The following ADAM28 variants were observed in gnomAD, a reference collection of about 807,000 sequenced individuals.
ADAM28 encodes ADAM metallopeptidase domain 28.
In ADAM28, 105 loss-of-function variants were observed where a neutral mutation model predicts 101.2. The observed-to-expected ratio is 1.04, with a 90% CI of 0.89 to 1.22. The LOEUF (loss-of-function observed/expected upper bound fraction) is 1.22. Ranked by LOEUF, ADAM28 falls within the 50% of genes most tolerant of loss-of-function variation. ADAM28 has a pLI of 0.00. For missense variants in ADAM28, 1,028 were observed against 945.4 expected, an observed-to-expected ratio of 1.09 and a Z score of -1.15; for synonymous variants, 322 against 310.6, an observed-to-expected ratio of 1.04 and a Z score of -0.39.
At chr8:24,303,181 A>G (rs897456333) in intron 2 of ADAM28, among the ~76,000 whole-genome samples, 2 of 151,818 alleles carry the variant, frequency 1.3e-5, no homozygotes, top group Non-Finnish European at 2.9e-5. Context: ...CTTTTGTTGC[A>G]ATTGCTTTTG....
chr8:24,331,490 C>T (rs1272431459), intron 12 of ADAM28, among the ~76,000 whole-genome samples, 163 bp downstream of exon 12: 1 of 152,070 alleles, frequency 6.6e-6, no homozygotes, highest in East Asian at 1.9e-4. Context: ...TGACAAGGAA[C>T]CCTGCACTTC....
chr8:24,331,372 T>G, intron 12 of ADAM28, 45 bp downstream of exon 12: 1 of 1,537,712 alleles, frequency 6.5e-7, no homozygotes, highest in Non-Finnish European at 8.8e-7. Flanking sequence ...GTTTTTCAGT[T>G]GCTAAGAAGA....
At chr8:24,317,490 T>C (rs1167591948) in intron 6 of ADAM28, among the ~76,000 whole-genome samples, 1 of 151,888 alleles carries the variant, frequency 6.6e-6, no homozygotes, top group African/African-American at 2.4e-5. Context: ...CATGCAAAAT[T>C]ATGAAATCGA....
At chr8:24,298,408 C>T (rs553105088) in intron 1 of ADAM28, among the ~76,000 whole-genome samples, 13 of 152,148 alleles carry the variant, frequency 8.5e-5, no homozygotes, top group Admixed American at 7.2e-4. Flanking sequence ...AAGTCATTCT[C>T]GAGTAATTTT....
rs1416750119 is a variant in ADAM28, at chr8:24,313,456, A to G, written c.452A>G (p.Gln151Arg). The G allele has an allele frequency of 1.2e-6, 2 of 1,613,904 alleles. No individual in the cohort carries two copies. Among genetic ancestry groups the G allele is most frequent in the South Asian group, 2.2e-5 (2 of 91,076 alleles). ...TTAAGCCCCATACATCGGGATGGACAGGAGCATGCACTCTTCAAGTATAAC... is the reference window on the plus strand; with the variant it reads ...TTAAGCCCCATACATCGGGATGGACGGGAGCATGCACTCTTCAAGTATAAC... ...EPLSPIHRDG[Q>R]EHALFKYNPD... The change falls in exon 6 of 23, where the codon CAG becomes CGG. Residue 151 changes from glutamine (Q) to arginine (R), a missense_variant. Transcript: ENST00000265769.
chr8:24,326,981 A>G (rs1812703750), intron 10 of ADAM28, among the ~76,000 whole-genome samples: 2 of 152,198 alleles, frequency 1.3e-5, no homozygotes, highest in Admixed American at 6.6e-5. Context: ...TTTGAAAGAC[A>G]GCACAAGACA....
chr8:24,327,403 T>C (rs1177991822), intron 10 of ADAM28, among the ~76,000 whole-genome samples: 1 of 152,032 alleles, frequency 6.6e-6, no homozygotes, highest in East Asian at 1.9e-4. Context: ...CACTAACAAA[T>C]GGAAAAATAT....
rs1189586697 is a variant in ADAM28 at position 24,358,098 on chromosome 8, C to T, written c.*3694C>T. 1 of 33,940 alleles carries T rather than the reference C, an allele frequency of 2.9e-5. No homozygotes were observed. The highest frequency in any genetic ancestry group is 9.4e-5 in the African/African-American group (1 of 10,618). The allele number at this position is 33,940 out of a possible 1,614,324, so 2.1% of individuals were successfully genotyped here. On this transcript the variant is annotated 3_prime_UTR_variant, in exon 23 of 23. Coordinates refer to ENST00000265769, the MANE Select transcript of ADAM28 (RefSeq NM_014265.6). Reference sequence around the variant, plus strand: ...AGGCTAACCAATTAACTGTTTTTAACTTATATTTCCAGATATTTTAAAAAT... The same window carrying T: ...AGGCTAACCAATTAACTGTTTTTAATTTATATTTCCAGATATTTTAAAAAT...
chr8:24,312,235 A>T (rs1234005578), intron 5 of ADAM28, among the ~76,000 whole-genome samples: 1 of 151,988 alleles, frequency 6.6e-6, no homozygotes, highest in East Asian at 2.0e-4. Context: ...TCTTAAAGAA[A>T]CCTCAATCTC....
At chr8:24,338,666 T>C (rs1281681300) in intron 14 of ADAM28, among the ~76,000 whole-genome samples, 5 of 152,222 alleles carry the variant, frequency 3.3e-5, no homozygotes, top group African/African-American at 9.6e-5. Flanking sequence ...CGTATCTTCA[T>C]AGGTGTTTAT....
chr8:24,308,769 G>A, intron 2 of ADAM28: 1 of 451,520 alleles, frequency 2.2e-6, no homozygotes, highest in South Asian at 1.6e-5. Context: ...TTTAAGCAAA[G>A]TATGGACTGT....
At chr8:24,323,340 T>C (rs1812128727) in intron 8 of ADAM28, among the ~76,000 whole-genome samples, 1 of 151,920 alleles carries the variant, frequency 6.6e-6, no homozygotes, top group Admixed American at 6.6e-5. Context: ...ACACAAACAT[T>C]CAAACTATAG....
Position 24,340,473 on chromosome 8 carries a change from G to T in ADAM28, c.1670+905G>T, listed in dbSNP as rs944812141. ...GGCAGTATGTGAGGGCCAGAGGAAG[G>T]GCAATTGTAGGTGGTGAATGGGAAG... On this transcript the variant is annotated intron_variant, in intron 15 of 22. Coordinates refer to ENST00000265769, the MANE Select transcript of ADAM28 (RefSeq NM_014265.6). Among the ~76,000 whole-genome samples, 3 of 152,162 alleles carry T rather than the reference G, an allele frequency of 2.0e-5. No homozygotes were observed. In the East Asian group the frequency reaches 5.8e-4, roughly 29 times the overall value.
At position 24,332,649 on chromosome 8, in the gene ADAM28, A is replaced by C. The variant is rs764315469; in HGVS notation, c.1282-11A>C. 4.5e-5 allele frequency: 65 copies of C among 1,441,252 alleles called. 1 individual carries two copies. Among genetic ancestry groups the C allele is most frequent in the Admixed American group, 1.1e-4 (5 of 46,842 alleles). The allele number at this position is 1,441,252 out of a possible 1,614,324, so 89.3% of individuals were successfully genotyped here. A position where few individuals can be genotyped will look rare whatever the true frequency, so the allele number is the denominator to read the frequency against. On this transcript the variant is annotated splice_polypyrimidine_tract_variant and intron_variant, in intron 12 of 22. Transcript: ENST00000265769. ...AATGTTGCATTTACATTTGTTTCTC[A>C]TATTTCTTAGGAATGTACCAATATT...
At chr8:24,300,141 C>T (rs1438562588) in intron 2 of ADAM28, 64 bp downstream of exon 2, 4 of 1,287,262 alleles carry the variant, frequency 3.1e-6, no homozygotes, top group Non-Finnish European at 4.4e-6. Flanking sequence ...ATATATATAT[C>T]TATCTATGAT....
At position 24,315,700 on chromosome 8, in the gene ADAM28, G is replaced by A. The variant is rs547026639; in HGVS notation, c.576+2120G>A. ...TTTATACCTAACCCAAGACAAAGAC[G>A]CCAAAGAAAGGAAAACTACAGGCCA... On this transcript the variant is annotated intron_variant, in intron 6 of 22. Transcript: ENST00000265769. 1.4e-4 allele frequency among the ~76,000 whole-genome samples: 21 copies of A among 151,912 alleles called. No homozygotes were observed. The South Asian group carries it at 1.7e-3, about 12-fold the overall frequency.
chr8:24,319,054 T>TA (rs1811532985), intron 6 of ADAM28, among the ~76,000 whole-genome samples: 1 of 151,996 alleles, frequency 6.6e-6, no homozygotes, highest in South Asian at 2.1e-4. Context: ...GGTCTCCTCC[T>TA]ACTCTTTACT....
intron 15 of ADAM28, chr8:24,340,938 G>A (rs1367327879): frequency 6.6e-6 from 1 of 152,170 alleles, no homozygotes; most frequent in Admixed American, 6.5e-5. Context: ...TGAGTGTTGA[G>A]CAGTTTAATC....
intron 9 of ADAM28, 28 bp from the exon 10 acceptor site, chr8:24,326,526 G>T (rs539821371): frequency 6.2e-7 from 1 of 1,600,258 alleles, no homozygotes; most frequent in East Asian, 2.2e-5. Flanking sequence ...ATTATAATTT[G>T]TTACATCAAT....
Sources: gnomAD v4.1 joint callset for allele counts (sites outside exome capture counted in the v4.1 genomes callset) on GRCh38, gnomAD v4.1.1 for gene constraint, MANE v1.5 for transcripts, NCBI Gene and HGNC (gene_info 2026-07-23, HGNC 2026-07-21) for gene names.